Variants in SOX6 observed in about 807,000 individuals in gnomAD.
The protein encoded by SOX6 is SRY-box transcription factor 6.
A neutral mutation model predicts 97.8 loss-of-function variants in SOX6; 11 were observed. The ratio of observed to expected loss-of-function variants is 0.11; its 90% CI spans 0.07 to 0.19. The LOEUF is 0.19. SOX6 is among the 10% of genes least tolerant of loss of function. The pLI is 1.00. For missense variants in SOX6, 810 were observed against 1,039.5 expected (o/e 0.78, Z 3.04); for synonymous variants, 360 against 371.4 (o/e 0.97, Z 0.35).
intron 1 of SOX6, among the ~76,000 whole-genome samples, chr11:16,378,336 G>A (rs1463020207): frequency 6.6e-6 from 1 of 151,942 alleles, no homozygotes; most frequent in Non-Finnish European, 1.5e-5. Context: ...AGTGGGGGTA[G>A]GGGGAAAGAC....
At chr11:16,263,290 T>C (rs998026099) in intron 3 of SOX6, among the ~76,000 whole-genome samples, 1 of 151,922 alleles carries the variant, frequency 6.6e-6, no homozygotes, top group African/African-American at 2.4e-5. Flanking sequence ...TTCTCCTAGA[T>C]GTAACTTACT....
intron 1 of SOX6, among the ~76,000 whole-genome samples, chr11:16,376,117 T>C (rs570625932): frequency 1.5e-3 from 221 of 152,208 alleles, no homozygotes; most frequent in African/African-American, 5.0e-3. Context: ...CCATGGCATG[T>C]GTATACCTAT....
chr11:16,478,767 G>A (rs919222910), upstream of SOX6, among the ~76,000 whole-genome samples: 1 of 152,134 alleles, frequency 6.6e-6, no homozygotes, highest in Non-Finnish European at 1.5e-5. Context: ...CTTGAAATAG[G>A]TACCTTTTTA....
intron 3 of SOX6, among the ~76,000 whole-genome samples, chr11:16,698,552 T>C (rs1246977146): frequency 6.6e-6 from 1 of 152,244 alleles, no homozygotes; most frequent in African/African-American, 2.4e-5. Flanking sequence ...TTCAGGAACT[T>C]GCCCTTTTCA....
chr11:16,436,106 A>G (rs1859371071), intron 1 of SOX6, among the ~76,000 whole-genome samples: 1 of 152,154 alleles, frequency 6.6e-6, no homozygotes, highest in Admixed American at 6.5e-5. Flanking sequence ...TGATACTCAT[A>G]TATCAAATCA....
chr11:16,493,457 A>G (rs926880787), intron 4 of SOX6, among the ~76,000 whole-genome samples: 1 of 152,192 alleles, frequency 6.6e-6, no homozygotes, highest in Non-Finnish European at 1.5e-5. Flanking sequence ...ATCATAAAAG[A>G]AAGGTAATGA....
At chr11:16,344,719 T>A (rs1483951185) in intron 1 of SOX6, among the ~76,000 whole-genome samples, 1 of 151,912 alleles carries the variant, frequency 6.6e-6, no homozygotes, top group East Asian at 1.9e-4. Flanking sequence ...TAAAAGAAAA[T>A]CAAAATCCTT....
rs1197654539 is a variant in SOX6 at position 16,183,892 on chromosome 11, C to T, written c.771G>A (p.Gln257=). 1.2e-6 allele frequency: 2 copies of T among 1,612,170 alleles called. No individual in the cohort carries two copies. Among genetic ancestry groups the T allele is most frequent in the East Asian group, 2.2e-5 (1 of 44,820 alleles). ...QQHKINLLQQ[Q]IQVQGHMPPL... ...AGTAATAAAATACACTGACCTGGATCTGTTGCTGCAGGAGATTAATTTTGT... is the reference window on the plus strand; with the variant it reads ...AGTAATAAAATACACTGACCTGGATTTGTTGCTGCAGGAGATTAATTTTGT... Residue 257 remains glutamine (Q), a synonymous_variant, in exon 6 of 16, where the codon CAG becomes CAA. Coordinates refer to ENST00000683767, the MANE Select transcript of SOX6 (RefSeq NM_001367873.1).
intron 4 of SOX6, among the ~76,000 whole-genome samples, chr11:16,590,738 T>TA (rs201913777): frequency 3.3e-5 from 5 of 149,756 alleles, no homozygotes; most frequent in Admixed American, 1.3e-4. Flanking sequence ...TGTGAGAGCT[T>TA]AAAAAAAAAA....
chr11:15,978,211 C>T (rs2119804370), intron 15 of SOX6, among the ~76,000 whole-genome samples: 1 of 152,198 alleles, frequency 6.6e-6, no homozygotes, highest in South Asian at 2.1e-4. Context: ...GCTCTTGCTT[C>T]ATTTCTTTGA....
intron 9 of SOX6, among the ~76,000 whole-genome samples, chr11:16,092,705 G>A (rs1335706875): frequency 1.3e-5 from 2 of 151,692 alleles, no homozygotes; most frequent in Non-Finnish European, 2.9e-5. Context: ...CTTTGCATAT[G>A]GTACCAGATT....
At chr11:16,673,477 T>C (rs1847861688) in intron 3 of SOX6, among the ~76,000 whole-genome samples, 1 of 151,868 alleles carries the variant, frequency 6.6e-6, no homozygotes. Context: ...CATGACCAAG[T>C]ATATGTATGC....
At chr11:16,329,663 G>A (rs866166231) in intron 2 of SOX6, among the ~76,000 whole-genome samples, 8 of 152,122 alleles carry the variant, frequency 5.3e-5, no homozygotes, top group Non-Finnish European at 8.8e-5. Context: ...ATCTCAAAGA[G>A]TTGTGGGAAT....
intron 9 of SOX6, among the ~76,000 whole-genome samples, chr11:16,065,181 A>C (rs143480166): frequency 2.9e-3 from 446 of 152,260 alleles, no homozygotes; most frequent in African/African-American, 0.01. Flanking sequence ...GCAGGATATA[A>C]AATCAACATG....
At position 16,240,275 on chromosome 11, in the gene SOX6, AGTGTGTGTGTGTGTGTGT is replaced by A. The variant is rs4031660; in HGVS notation, c.446-5622_446-5605del. Among the ~76,000 whole-genome samples the A allele has an allele frequency of 1.3e-3, 169 of 129,056 alleles. 2 individuals carry two copies. Among genetic ancestry groups the A allele is most frequent in the Non-Finnish European group, 2.4e-3 (147 of 62,102 alleles). 84.7% of individuals were successfully genotyped at this position (129,056 alleles called of 152,430 possible). On this transcript the variant is annotated intron_variant, in intron 3 of 15. Coordinates refer to ENST00000683767, the MANE Select transcript of SOX6 (RefSeq NM_001367873.1). The stretch of plus-strand genomic sequence containing the variant: ...CCAAAACCACTTTACTAGATAATAT[AGTGTGTGTGTGTGTGTGT>A]GTGTGTGTGTGTGTGTGTGTGTGGC...
Position 16,341,131 on chromosome 11 carries a change from G to A in SOX6, c.118C>T (p.His40Tyr). Residue 40 changes from histidine (H) to tyrosine (Y), a missense_variant, in exon 2 of 16, where the codon CAT (histidine) becomes TAT (tyrosine). Physicochemically the swap from His to Tyr is moderately conservative, Grantham distance 83 (BLOSUM62 2). Around this residue, in one of 9 missense-constraint regions of SOX6, gnomAD observed 100 missense variants for 94.6 expected, o/e 1.06. Transcript: ENST00000683767. The part of the protein sequence containing the change: ...EEGSDQHVAS[H>Y]LPLHPIMHNK... Reference sequence around the variant, plus strand: ...TGCATTATGGGGTGCAGAGGCAGATGGGAGGCCACATGTTGATCACTGCCC... The same window carrying A: ...TGCATTATGGGGTGCAGAGGCAGATAGGAGGCCACATGTTGATCACTGCCC... 1 of 1,613,580 alleles carries A rather than the reference G, an allele frequency of 6.2e-7. No homozygotes were observed. The highest frequency in any genetic ancestry group is 8.5e-7 in the Non-Finnish European group (1 of 1,179,610).
chr11:16,006,531 T>C (rs1854560290), intron 13 of SOX6, among the ~76,000 whole-genome samples: 1 of 152,094 alleles, frequency 6.6e-6, no homozygotes, highest in South Asian at 2.1e-4. Flanking sequence ...ATCTGCTTAA[T>C]GTCTGTGTCT....
chr11:16,162,302 C>T (rs898889738), intron 6 of SOX6, among the ~76,000 whole-genome samples: 1 of 152,212 alleles, frequency 6.6e-6, no homozygotes, highest in Non-Finnish European at 1.5e-5. Context: ...AAAACCAACT[C>T]TGTCAGTAAC....
chr11:16,634,386 C>A (rs1848754193), intron 3 of SOX6, among the ~76,000 whole-genome samples: 3 of 149,880 alleles, frequency 2.0e-5, no homozygotes, highest in South Asian at 2.1e-4. Flanking sequence ...ATCAAAAGAT[C>A]CAACATGAAA....
Sources: allele counts gnomAD v4.1 joint callset (sites outside exome capture counted in the v4.1 genomes callset), GRCh38; gene constraint gnomAD v4.1.1; regional missense constraint gnomAD v4.1.1; transcripts MANE v1.5; gene names NCBI Gene and HGNC (gene_info 2026-07-23, HGNC 2026-07-21).